The following SLC22A25 variants were observed in gnomAD, a reference collection of about 807,000 sequenced individuals.
The protein encoded by SLC22A25 is solute carrier family 22 member 25, also known as MGI:2442751, MGI:2385316, MGI:3042283, MGI:3645714, MGI:3605624, MGI:2442750.
SLC22A25 carries 44 observed loss-of-function variants against 45.9 expected under a neutral mutation model. The ratio of observed to expected loss-of-function variants is 0.96; its 90% CI spans 0.75 to 1.23. The LOEUF (loss-of-function observed/expected upper bound fraction) is 1.23, where lower values mean the gene tolerates loss of function less well. Ranked by LOEUF, SLC22A25 falls within the 50% of genes most tolerant of loss-of-function variation. The pLI is 0.00. For synonymous variants in SLC22A25, 283 were observed against 238.6 expected (o/e 1.19, Z -1.72); for missense variants, 800 against 666.4 (o/e 1.20, Z -2.21).
chr11:63,188,325 A>G (rs934322546), intron 7 of SLC22A25, among the ~76,000 whole-genome samples: 2 of 151,984 alleles, frequency 1.3e-5, no homozygotes, highest in Admixed American at 1.3e-4. Flanking sequence ...TTTCTAGTTT[A>G]TTTGCATAGA....
At chr11:63,241,835 GAACCACC>G (rs2090253897) in intron 1 of SLC22A25, among the ~76,000 whole-genome samples, 1 of 152,192 alleles carries the variant, frequency 6.6e-6, no homozygotes, top group South Asian at 2.1e-4. Context: ...CAGGGTCTCT[GAACCACC>G]AGACTGTGCA....
chr11:63,182,009 G>A (rs1386623703), intron 8 of SLC22A25, among the ~76,000 whole-genome samples: 1 of 152,056 alleles, frequency 6.6e-6, no homozygotes, highest in African/African-American at 2.4e-5. Context: ...TCAACGGATT[G>A]CTATTGACAT....
At chr11:63,242,678 C>G (rs1005386035) in intron 1 of SLC22A25, among the ~76,000 whole-genome samples, 8 of 152,176 alleles carry the variant, frequency 5.3e-5, no homozygotes, top group Middle Eastern at 3.2e-3. Context: ...CAGACACACC[C>G]AGGTACAATA....
intron 4 of SLC22A25, 109 bp from the exon 5 acceptor site, chr11:63,228,673 C>T: frequency 1.3e-6 from 1 of 765,178 alleles, no homozygotes; most frequent in South Asian, 1.8e-5. Context: ...TCCCTAGCTT[C>T]CCTTTTCTGC....
chr11:63,234,082 G>A (rs555779916), intron 3 of SLC22A25, among the ~76,000 whole-genome samples: 1 of 152,334 alleles, frequency 6.6e-6, no homozygotes, highest in Non-Finnish European at 1.5e-5. Flanking sequence ...TGGAATAGGA[G>A]TGGTGTGGTG....
rs1478499347 is a variant in SLC22A25, at chr11:63,163,979, G to A, written c.1489C>T (p.Pro497Ser). The A allele has an allele frequency of 6.2e-7, 1 of 1,613,954 alleles. No homozygotes were observed. The highest frequency in any genetic ancestry group is 2.2e-5 in the East Asian group (1 of 44,868). ...MILSIYSRPLPWIIYGVFAIL... is the reference protein window; with the variant it reads ...MILSIYSRPLSWIIYGVFAIL... ...GCAAAGACTCCATAGATGATCCAGG[G>A]CAGGGGTCGAGAATATATGCTTAGG... The change falls in exon 12 of 12, where the codon CCC becomes TCC. Residue 497 changes from proline to serine, a missense_variant. Pro to Ser is a moderately conservative substitution (Grantham distance 74). Coordinates refer to ENST00000306494, the MANE Select transcript of SLC22A25 (RefSeq NM_199352.6).
intron 7 of SLC22A25, among the ~76,000 whole-genome samples, chr11:63,189,373 C>CT (rs1308117802): frequency 5.3e-5 from 8 of 152,022 alleles, no homozygotes; most frequent in South Asian, 2.1e-4. Context: ...GCTACCCCTG[C>CT]TTTTTTTTGT....
At chr11:63,211,396 A>G (rs1475999671) in intron 7 of SLC22A25, among the ~76,000 whole-genome samples, 1 of 152,110 alleles carries the variant, frequency 6.6e-6, no homozygotes, top group Non-Finnish European at 1.5e-5. Flanking sequence ...ATGCCATAGT[A>G]CCCAACCCTT....
intron 9 of SLC22A25, among the ~76,000 whole-genome samples, chr11:63,168,278 T>C (rs1246300635): frequency 6.6e-6 from 1 of 152,126 alleles, no homozygotes; most frequent in Non-Finnish European, 1.5e-5. Context: ...ATGATGACAT[T>C]TCTCTCCAGG....
intron 9 of SLC22A25, 189 bp from the exon 10 acceptor site, chr11:63,166,447 C>A: frequency 7.1e-7 from 1 of 1,414,484 alleles, no homozygotes; most frequent in Non-Finnish European, 9.2e-7. Context: ...ATAGTGGTAA[C>A]AATTGTATCT....
At chr11:63,191,921 G>A (rs1293513413) in intron 7 of SLC22A25, among the ~76,000 whole-genome samples, 1 of 152,116 alleles carries the variant, frequency 6.6e-6, no homozygotes, top group Non-Finnish European at 1.5e-5. Flanking sequence ...TCCATAAGAA[G>A]TTTCCCAACT....
chr11:63,243,396 A>G, intron 1 of SLC22A25, 38 bp downstream of exon 1: 1 of 698,390 alleles, frequency 1.4e-6, no homozygotes, highest in South Asian at 1.5e-5. Flanking sequence ...GAGGAACAGA[A>G]GTGTGAAGAA....
rs2087526569 is a variant in SLC22A25, at chr11:63,160,736, G to T, written c.*3088C>A. On this transcript the variant is annotated 3_prime_UTR_variant, in exon 12 of 12. Transcript: ENST00000306494. The stretch of plus-strand genomic sequence containing the variant: ...TGCCAGGTCACAAAAGCAGCCAGGA[G>T]GGAGGCTGTACCCTGCAAAGCCACA... 6.6e-6 allele frequency among the ~76,000 whole-genome samples: 1 copy of T among 152,142 alleles called. No homozygotes were observed. Among genetic ancestry groups the T allele is most frequent in the South Asian group, 2.1e-4 (1 of 4,820 alleles).
chr11:63,195,865 TAAA>T (rs1174697852), intron 7 of SLC22A25, among the ~76,000 whole-genome samples: 1 of 151,716 alleles, frequency 6.6e-6, no homozygotes, highest in South Asian at 2.1e-4. Flanking sequence ...GCAGGACTAA[TAAA>T]GAAGAAAAGA....
chr11:63,237,652 T>A (rs150459039), intron 3 of SLC22A25, among the ~76,000 whole-genome samples: 1 of 152,332 alleles, frequency 6.6e-6, no homozygotes, highest in East Asian at 1.9e-4. Flanking sequence ...CTAAATCACA[T>A]GTTGTGGCAC....
At position 63,159,040 on chromosome 11, in the gene SLC22A25, C is replaced by CTT. The variant is rs534247145; in HGVS notation, c.*4783_*4784insAA. ...TCTGTGCCTGGCTTATTTCACTTAACATAATGATCTCCAGTTCCATCCATG... is the reference window on the plus strand; with the variant it reads ...TCTGTGCCTGGCTTATTTCACTTAACTTATAATGATCTCCAGTTCCATCCATG... On this transcript the variant is annotated 3_prime_UTR_variant, in exon 12 of 12. Transcript: ENST00000306494. 9.1e-4 allele frequency among the ~76,000 whole-genome samples: 138 copies of CTT among 152,226 alleles called. No homozygotes were observed. The highest frequency in any genetic ancestry group is 1.0e-3 in the Admixed American group (16 of 15,286).
At chr11:63,174,458 A>T (rs904687963) in intron 9 of SLC22A25, among the ~76,000 whole-genome samples, 4 of 152,110 alleles carry the variant, frequency 2.6e-5, no homozygotes, top group Non-Finnish European at 4.4e-5. Flanking sequence ...CTAGTTGTCC[A>T]AACCTTCCTA....
chr11:63,228,463 G>C lies in SLC22A25; in HGVS notation c.504C>G (p.Asp168Glu), dbSNP rs746286272. The change falls in exon 5 of 12, where the codon GAC (aspartate) becomes GAG (glutamate). Residue 168 changes from aspartate (D) to glutamate (E), a missense_variant and splice_region_variant. Asp to Glu is a conservative substitution (Grantham distance 45). Transcript: ENST00000306494. ...VGGNLYGHLS[D>E]RFGRKFVLRW... ...AGCTATGCTCCATAGACACTCACCTGTCTGACAAATGGCCATATAGGTTGC... is the reference window on the plus strand; with the variant it reads ...AGCTATGCTCCATAGACACTCACCTCTCTGACAAATGGCCATATAGGTTGC... 3.1e-6 allele frequency: 5 copies of C among 1,604,962 alleles called. No homozygotes were observed. The highest frequency in any genetic ancestry group is 1.7e-4 in the Middle Eastern group (1 of 6,040).
intron 5 of SLC22A25, among the ~76,000 whole-genome samples, chr11:63,224,885 G>C (rs1011708784): frequency 1.3e-5 from 2 of 152,164 alleles, no homozygotes; most frequent in African/African-American, 4.8e-5. Flanking sequence ...GGAACTTGAG[G>C]TCAGGAGATG....
Sources: allele counts gnomAD v4.1 joint callset (sites outside exome capture counted in the v4.1 genomes callset), GRCh38; gene constraint gnomAD v4.1.1; transcripts MANE v1.5; gene names NCBI Gene and HGNC (gene_info 2026-07-23, HGNC 2026-07-21).